SLC39A11: variants seen among roughly 807,000 people sequenced by gnomAD.
The protein encoded by SLC39A11 is solute carrier family 39 member 11.
A neutral mutation model predicts 36.1 loss-of-function variants in SLC39A11; 33 were observed. The observed-to-expected ratio is 0.91, with a 90% CI of 0.69 to 1.22. SLC39A11 has a LOEUF of 1.22. SLC39A11 is among the 50% of genes most tolerant of loss of function. SLC39A11 has a pLI of 0.00. For missense variants in SLC39A11, 432 were observed against 430.3 expected (o/e 1.00, Z -0.03); for synonymous variants, 166 against 170.3 (o/e 0.97, Z 0.20).
chr17:72,843,249 T>A (rs1203337311), intron 6 of SLC39A11, among the ~76,000 whole-genome samples: 2 of 152,024 alleles, frequency 1.3e-5, no homozygotes, highest in Admixed American at 1.3e-4. Flanking sequence ...GCGCCCGGCC[T>A]GGGGAGGGGT....
rs186892954 is a variant in SLC39A11 at position 72,965,087 on chromosome 17, G to A, written c.307-17212C>T. Among the ~76,000 whole-genome samples, 674 of 151,934 alleles carry A rather than the reference G, an allele frequency of 4.4e-3. 8 individuals are homozygous for A. Among genetic ancestry groups the A allele is most frequent in the African/African-American group, 0.015 (624 of 41,404 alleles). ...TGGACACAGGAAGGGGAACATCACC[G>A]GGGCCTGTTGTGAGGTGGGGGAAGG... On this transcript the variant is annotated intron_variant, in intron 4 of 9. Coordinates refer to ENST00000255559, the MANE Select transcript of SLC39A11 (RefSeq NM_139177.4).
intron 5 of SLC39A11, among the ~76,000 whole-genome samples, chr17:72,896,429 T>C (rs908558319): frequency 3.9e-5 from 6 of 151,954 alleles, no homozygotes; most frequent in African/African-American, 1.5e-4. Flanking sequence ...CTTGAACTCT[T>C]GACCTCAAGT....
chr17:72,991,343 T>A (rs2089159316), intron 4 of SLC39A11, among the ~76,000 whole-genome samples: 1 of 152,036 alleles, frequency 6.6e-6, no homozygotes, highest in Admixed American at 6.5e-5. Context: ...CAACTTTTGT[T>A]ATTTTTATTT....
At chr17:72,971,056 C>A (rs1817694927) in intron 4 of SLC39A11, among the ~76,000 whole-genome samples, 1 of 152,210 alleles carries the variant, frequency 6.6e-6, no homozygotes, top group African/African-American at 2.4e-5. Flanking sequence ...GCTGACTGTC[C>A]TGCCTCTGAA....
intron 3 of SLC39A11, among the ~76,000 whole-genome samples, chr17:73,046,928 G>A (rs1599010599): frequency 6.6e-6 from 1 of 151,976 alleles, no homozygotes. Context: ...GCAACAGAGT[G>A]TGACCCAGTC....
At chr17:72,865,160 C>G (rs1335084319) in intron 5 of SLC39A11, among the ~76,000 whole-genome samples, 1 of 152,052 alleles carries the variant, frequency 6.6e-6, no homozygotes, top group East Asian at 1.9e-4. Flanking sequence ...AACACCAAAA[C>G]CAGTTCAGAG....
chr17:72,703,524 C>T (rs1227517738), intron 7 of SLC39A11, among the ~76,000 whole-genome samples: 1 of 152,194 alleles, frequency 6.6e-6, no homozygotes, highest in Non-Finnish European at 1.5e-5. Context: ...CCAAGCATGT[C>T]ACCCACATTC....
chr17:72,989,544 T>C (rs1362556208), intron 4 of SLC39A11, among the ~76,000 whole-genome samples: 1 of 152,230 alleles, frequency 6.6e-6, no homozygotes, highest in East Asian at 1.9e-4. Context: ...TTTTGCCTTC[T>C]AATAGAATTT....
chr17:72,693,570 G>A (rs1039083312), intron 7 of SLC39A11, among the ~76,000 whole-genome samples: 4 of 152,136 alleles, frequency 2.6e-5, no homozygotes, highest in African/African-American at 7.2e-5. Context: ...CTTTCCAAGC[G>A]TGGCAGATCT....
intron 3 of SLC39A11, among the ~76,000 whole-genome samples, chr17:73,035,704 A>C (rs2058884877): frequency 6.6e-6 from 1 of 151,790 alleles, no homozygotes; most frequent in African/African-American, 2.4e-5. Context: ...TCTCTACTAA[A>C]AATACAAAAA....
chr17:72,892,628 GAGC>G (rs1317671051), intron 5 of SLC39A11, among the ~76,000 whole-genome samples: 1 of 152,114 alleles, frequency 6.6e-6, no homozygotes, highest in East Asian at 1.9e-4. Flanking sequence ...TTTTCCAAAT[GAGC>G]AGGAGACAAA....
At chr17:72,804,567 A>G (rs1456140686) in intron 6 of SLC39A11, among the ~76,000 whole-genome samples, 2 of 152,262 alleles carry the variant, frequency 1.3e-5, no homozygotes, top group African/African-American at 4.8e-5. Flanking sequence ...CAAGCAACAT[A>G]CAAGCATTTG....
At chr17:72,990,139 C>A (rs995353670) in intron 4 of SLC39A11, among the ~76,000 whole-genome samples, 2 of 152,180 alleles carry the variant, frequency 1.3e-5, no homozygotes, top group African/African-American at 4.8e-5. Flanking sequence ...TGGTGACATG[C>A]ACTACCCTTA....
At chr17:72,915,648 G>A (rs963431919) in intron 5 of SLC39A11, among the ~76,000 whole-genome samples, 2 of 152,216 alleles carry the variant, frequency 1.3e-5, no homozygotes, top group African/African-American at 4.8e-5. Flanking sequence ...CTGTCATCGG[G>A]TGTTTAGCTC....
rs1567994351 is a variant in SLC39A11, at chr17:72,729,422, TATATATATATATATATA to T, written c.671+7211_671+7227del. ...CTGGCTATTTATATATATATATATA[TATATATATATATATATA>T]TATATATATATATATATATTTTTTT... is the stretch of plus-strand genomic sequence containing the variant. On this transcript the variant is annotated intron_variant, in intron 7 of 9. Coordinates refer to ENST00000255559, the MANE Select transcript of SLC39A11 (RefSeq NM_139177.4). Among the ~76,000 whole-genome samples the T allele has an allele frequency of 8.8e-3, 23 of 2,604 alleles. 1 individual carries two copies. Among genetic ancestry groups the T allele is most frequent in the Non-Finnish European group, 0.012 (17 of 1,474 alleles). 1.7% of individuals were successfully genotyped at this position (2,604 alleles called of 152,430 possible).
At chr17:72,913,176 G>T (rs1353520951) in intron 5 of SLC39A11, among the ~76,000 whole-genome samples, 1 of 149,492 alleles carries the variant, frequency 6.7e-6, no homozygotes, top group Admixed American at 6.7e-5. Context: ...GAAAGAAATT[G>T]GAGGGTGTAG....
At chr17:72,721,908 T>C (rs963168106) in intron 7 of SLC39A11, among the ~76,000 whole-genome samples, 1 of 141,316 alleles carries the variant, frequency 7.1e-6, no homozygotes, top group African/African-American at 2.7e-5. Context: ...AGGCAGAGGC[T>C]GCAGTGAGCA....
At chr17:73,084,566 A>G (rs530493622) in intron 3 of SLC39A11, among the ~76,000 whole-genome samples, 121 of 152,298 alleles carry the variant, frequency 7.9e-4, no homozygotes, top group Admixed American at 3.6e-3. Flanking sequence ...CTTACCAAAT[A>G]AGATCTTATT....
intron 2 of SLC39A11, among the ~76,000 whole-genome samples, chr17:73,085,936 T>C (rs893989819): frequency 3.9e-5 from 6 of 152,184 alleles, no homozygotes; most frequent in African/African-American, 1.4e-4. Context: ...ACACACATAC[T>C]ACAGTTACAT....
Sources: allele counts gnomAD v4.1 joint callset (sites outside exome capture counted in the v4.1 genomes callset), GRCh38; gene constraint gnomAD v4.1.1; transcripts MANE v1.5; gene names NCBI Gene and HGNC (gene_info 2026-07-23, HGNC 2026-07-21).